Variants in OSBPL2 observed in about 807,000 individuals in gnomAD.
OSBPL2 encodes oxysterol binding protein like 2.
A neutral mutation model predicts 58.4 loss-of-function variants in OSBPL2; 18 were observed. The ratio of observed to expected loss-of-function variants is 0.31; its 90% CI spans 0.21 to 0.46. The LOEUF is 0.46. Ranked by LOEUF, OSBPL2 falls within the 20% of genes least tolerant of loss-of-function variation. The pLI is 1.00. For synonymous variants in OSBPL2, 221 were observed against 234.1 expected, an observed-to-expected ratio of 0.94 and a Z score of 0.51; for missense variants, 461 against 616.5, an observed-to-expected ratio of 0.75 and a Z score of 2.67.
At chr20:62,291,442 T>G (rs1157283533) in intron 12 of OSBPL2, 6 of 474,082 alleles carry the variant, frequency 1.3e-5, no homozygotes, top group African/African-American at 5.9e-5. Flanking sequence ...ACCCGCAGAC[T>G]TTGAGTAGTG....
chr20:62,263,732 C>G (rs762702741), intron 4 of OSBPL2, 41 bp downstream of exon 4: 2 of 1,552,312 alleles, frequency 1.3e-6, no homozygotes, highest in Non-Finnish European at 1.8e-6. Context: ...GGCTGCACCA[C>G]TGACTCCTGG....
At chr20:62,259,940 T>A in intron 2 of OSBPL2, 41 bp from the exon 3 acceptor site, 1 of 1,597,614 alleles carries the variant, frequency 6.3e-7, no homozygotes, top group East Asian at 2.2e-5. Flanking sequence ...TAAAAAATCT[T>A]TCAGGTCCAG....
At chr20:62,291,639 T>G in intron 12 of OSBPL2, 64 bp from the exon 13 acceptor site, 9 of 1,303,230 alleles carry the variant, frequency 6.9e-6, no homozygotes, top group South Asian at 1.2e-5. Context: ...TCTAGGTGCA[T>G]AGGGGGTGGC....
chr20:62,257,259 C>T (rs112221045), intron 2 of OSBPL2, among the ~76,000 whole-genome samples: 2,916 of 152,218 alleles, frequency 0.019, 93 homozygotes, highest in African/African-American at 0.066. Context: ...GCTCTGGTGG[C>T]GCCTCCGGTC....
rs1223289760 is a variant in OSBPL2 at position 62,294,426 on chromosome 20, T to A, written c.*539T>A. 1 of 153,766 alleles carries A rather than the reference T, an allele frequency of 6.5e-6. No homozygotes were observed. Among genetic ancestry groups the A allele is most frequent in the Non-Finnish European group, 1.5e-5 (1 of 68,848 alleles). The allele number at this position is 153,766 out of a possible 1,614,324, so 9.5% of individuals were successfully genotyped here. A position where few individuals can be genotyped will look rare whatever the true frequency, so the allele number is the denominator to read the frequency against. ...GAGCATCAGATTGAGTGAAAAGTTG[T>A]CAGATTCTGTATTTTTTAACAATCT... is the stretch of plus-strand genomic sequence containing the variant. On this transcript the variant is annotated 3_prime_UTR_variant, in exon 14 of 14. Coordinates refer to ENST00000313733, the MANE Select transcript of OSBPL2 (RefSeq NM_144498.4).
In OSBPL2 at chr20:62,281,114, T is replaced by A. The variant is rs1179196570; in HGVS notation, c.731T>A (p.Ile244Asn). Residue 244 changes from isoleucine (I) to asparagine (N), a missense_variant, in exon 8 of 14, where the codon ATC (isoleucine) becomes AAC (asparagine). Physicochemically the swap from Ile to Asn is moderately radical, Grantham distance 149. This residue lies in a region of OSBPL2 where 319 missense variants were observed against 419.2 expected (regional missense o/e 0.76). Coordinates refer to ENST00000313733, the MANE Select transcript of OSBPL2 (RefSeq NM_144498.4). ...NPTCCVHNVI[I>N]GKLWIEQYGT... The stretch of plus-strand genomic sequence containing the variant: ...ACCTGCTGCGTCCACAACGTCATCA[T>A]CGGGAAGCTGTGGATAGAGCAGTAT... 6.2e-7 allele frequency: 1 copy of A among 1,614,052 alleles called. No individual in the cohort carries two copies. Among genetic ancestry groups the A allele is most frequent in the Non-Finnish European group, 8.5e-7 (1 of 1,180,026 alleles).
rs758906652 is a variant in OSBPL2, at chr20:62,289,340, C to T, written c.1249+10C>T. The T allele has an allele frequency of 8.7e-6, 14 of 1,610,940 alleles. No homozygotes were observed. Among genetic ancestry groups the T allele is most frequent in the Admixed American group, 8.4e-5 (5 of 59,622 alleles). Reference sequence around the variant, plus strand: ...GAGAATGGCAACATGGGTGCGTCCACGCAGTCAGAGGAGGAAGCTTGGGGC... The same window carrying T: ...GAGAATGGCAACATGGGTGCGTCCATGCAGTCAGAGGAGGAAGCTTGGGGC... On this transcript the variant is annotated intron_variant, in intron 12 of 13. Coordinates refer to ENST00000313733, the MANE Select transcript of OSBPL2 (RefSeq NM_144498.4).
At chr20:62,259,349 CTT>C (rs978502760) in intron 2 of OSBPL2, 1 of 152,300 alleles carries the variant, frequency 6.6e-6, no homozygotes, top group Non-Finnish European at 1.5e-5. Context: ...TTCTCCAGGA[CTT>C]TTGCTCCAGG....
At chr20:62,241,503 A>G (rs4925358) in intron 1 of OSBPL2, among the ~76,000 whole-genome samples, 149,218 of 152,394 alleles carry the variant, frequency 0.98, 73,129 homozygotes, top group East Asian at 1. Context: ...GGAAGCTGCC[A>G]TCTCCTCAAG....
At chr20:62,281,759 C>A in intron 8 of OSBPL2, 31 bp from the exon 9 acceptor site, 19 of 1,523,364 alleles carry the variant, frequency 1.2e-5, no homozygotes, top group Non-Finnish European at 1.7e-5. Flanking sequence ...TGCTGTCTTG[C>A]AGCAGAAACC....
At chr20:62,291,587 G>C in intron 12 of OSBPL2, 116 bp from the exon 13 acceptor site, 1 of 872,874 alleles carries the variant, frequency 1.1e-6, no homozygotes, top group South Asian at 1.4e-5. Context: ...AGAACCTGTT[G>C]TCTGTGGCAT....
chr20:62,292,754 C>A (rs1601207900), intron 13 of OSBPL2, among the ~76,000 whole-genome samples: 1 of 152,020 alleles, frequency 6.6e-6, no homozygotes, highest in Admixed American at 6.6e-5. Context: ...ATGTGGCTGG[C>A]GTTTTGAAAC....
intron 1 of OSBPL2, among the ~76,000 whole-genome samples, chr20:62,248,872 G>GT (rs1980337178): frequency 6.6e-6 from 1 of 151,982 alleles, no homozygotes; most frequent in South Asian, 2.1e-4. Flanking sequence ...ATTTTATTTT[G>GT]TTTTTTTGTA....
chr20:62,280,850 G>A (rs796766329), intron 7 of OSBPL2, among the ~76,000 whole-genome samples: 7 of 152,366 alleles, frequency 4.6e-5, no homozygotes, highest in African/African-American at 1.7e-4. Flanking sequence ...TAAGTAGAAA[G>A]CTTTGTAGAT....
intron 1 of OSBPL2, among the ~76,000 whole-genome samples, chr20:62,248,174 T>G (rs1429898077): frequency 1.6e-3 from 58 of 37,334 alleles, no homozygotes; most frequent in African/African-American, 5.0e-3. Flanking sequence ...TTTTTTTTTG[T>G]GACAGGGTCT....
chr20:62,267,092 A>G (rs1327145194), intron 4 of OSBPL2, among the ~76,000 whole-genome samples: 5 of 152,260 alleles, frequency 3.3e-5, no homozygotes, highest in Admixed American at 1.3e-4. Context: ...TCTACAAAAA[A>G]GAATTAGCCG....
At chr20:62,285,531 A>T (rs1357955324) in intron 10 of OSBPL2, 1 of 152,188 alleles carries the variant, frequency 6.6e-6, no homozygotes, top group Non-Finnish European at 1.5e-5. Flanking sequence ...TTGTCTTTTC[A>T]TCAGGGTGTA....
chr20:62,254,154 G>A (rs955116390), intron 1 of OSBPL2, among the ~76,000 whole-genome samples: 2 of 152,154 alleles, frequency 1.3e-5, no homozygotes, highest in East Asian at 3.8e-4. Flanking sequence ...ATTCCTGAGG[G>A]CAGAGCCCTC....
chr20:62,294,697 A>G lies in OSBPL2; in HGVS notation c.*810A>G, dbSNP rs576039792. The G allele has an allele frequency of 3.3e-5, 5 of 152,326 alleles. No individual in the cohort carries two copies. In the East Asian group the frequency reaches 9.7e-4, roughly 29 times the overall value. 9.4% of individuals were successfully genotyped at this position (152,326 alleles called of 1,614,324 possible). On this transcript the variant is annotated 3_prime_UTR_variant, in exon 14 of 14. Coordinates refer to ENST00000313733, the MANE Select transcript of OSBPL2 (RefSeq NM_144498.4). The stretch of plus-strand genomic sequence containing the variant: ...CAGTGAGGCCTGGCTGTCACCGCAC[A>G]CCGCGTCCGTGTCTCCAGGGGGTTC...
Sources: gnomAD v4.1 joint callset for allele counts (sites outside exome capture counted in the v4.1 genomes callset) on GRCh38, gnomAD v4.1.1 for gene constraint, gnomAD v4.1.1 regional missense constraint, MANE v1.5 for transcripts, NCBI Gene and HGNC (gene_info 2026-07-23, HGNC 2026-07-21) for gene names.